Variants in PIK3C2G observed in about 807,000 individuals in gnomAD.
PIK3C2G encodes the protein phosphatidylinositol 3-kinase C2 domain-containing subunit gamma.
Under a neutral mutation model 181.1 loss-of-function variants are expected in PIK3C2G, and 168 were observed. The ratio of observed to expected loss-of-function variants is 0.93; its 90% CI spans 0.82 to 1.05. PIK3C2G has a LOEUF of 1.05. Ranked by LOEUF, PIK3C2G falls within the 50% of genes least tolerant of loss-of-function variation. The pLI is 0.00. For synonymous variants in PIK3C2G, 573 were observed against 592.2 expected (o/e 0.97, Z 0.47); for missense variants, 1,869 against 1,732.8 (o/e 1.08, Z -1.40).
intron 28 of PIK3C2G, among the ~76,000 whole-genome samples, chr12:18,566,044 TTTAAGTC>T (rs1418620951): frequency 6.6e-6 from 1 of 152,204 alleles, no homozygotes; most frequent in Non-Finnish European, 1.5e-5. Flanking sequence ...TTTAAAGACT[TTTAAGTC>T]TTAGGGTCTG....
chr12:18,348,294 A>C (rs2137675553), intron 11 of PIK3C2G, among the ~76,000 whole-genome samples: 1 of 152,048 alleles, frequency 6.6e-6, no homozygotes, highest in East Asian at 1.9e-4. Context: ...TGCAAATGTA[A>C]AATGCATATG....
chr12:18,499,940 G>A (rs1211026285), intron 22 of PIK3C2G, among the ~76,000 whole-genome samples: 1 of 152,054 alleles, frequency 6.6e-6, no homozygotes, highest in African/African-American at 2.4e-5. Flanking sequence ...ATATTAGTGC[G>A]TTTTCACACT....
At chr12:18,293,840 C>T (rs1002897734) in intron 4 of PIK3C2G, 61 bp from the exon 5 acceptor site, 5 of 782,698 alleles carry the variant, frequency 6.4e-6, no homozygotes, top group Non-Finnish European at 1.1e-5. Flanking sequence ...TGCTCAAAAA[C>T]TTTTCCTAGT....
the PIK3C2G span, among the ~76,000 whole-genome samples, chr12:18,668,437 CA>C: frequency 6.6e-6 from 1 of 152,086 alleles, no homozygotes. Flanking sequence ...AAATGGAACC[CA>C]ACCTACACAC....
rs1442664001 is a variant in PIK3C2G at position 18,391,079 on chromosome 12, T to C, written c.1996-43T>C. The C allele has an allele frequency of 2.7e-6, 4 of 1,494,808 alleles. No individual in the cohort carries two copies. In the East Asian group the frequency reaches 7.1e-5, roughly 26 times the overall value. 92.6% of individuals were successfully genotyped at this position (1,494,808 alleles called of 1,614,324 possible). A position where few individuals can be genotyped will look rare whatever the true frequency, so the allele number is the denominator to read the frequency against. On this transcript the variant is annotated intron_variant, in intron 14 of 32. Coordinates refer to ENST00000538779, the MANE Select transcript of PIK3C2G (RefSeq NM_001288772.2). ...GGAATATTAAATCAATAATGTATTT[T>C]GAGACACCTTCAACACATGGCAAAT... is the stretch of plus-strand genomic sequence containing the variant.
At chr12:18,460,559 G>C (rs1947862704) in intron 18 of PIK3C2G, among the ~76,000 whole-genome samples, 1 of 150,378 alleles carries the variant, frequency 6.6e-6, no homozygotes, top group Admixed American at 6.6e-5. Flanking sequence ...GGGTGACAGA[G>C]CAAGACTCCG....
the PIK3C2G span, among the ~76,000 whole-genome samples, chr12:18,697,664 C>CAT: frequency 2.6e-5 from 4 of 152,138 alleles, no homozygotes; most frequent in Non-Finnish European, 2.9e-5. Flanking sequence ...AACTCCTTCA[C>CAT]ATATATCTTC....
In PIK3C2G at chr12:18,600,373, A is replaced by T. The variant is rs192548392; in HGVS notation, c.4087+5804A>T. 5.5e-4 allele frequency among the ~76,000 whole-genome samples: 84 copies of T among 152,122 alleles called. 1 individual carries two copies. Among genetic ancestry groups the T allele is most frequent in the Admixed American group, 2.0e-3 (30 of 15,284 alleles). Reference sequence around the variant, plus strand: ...AAATTTCTAAAGACTAGCAATAGTGAAATACTACATCTCAGAAACCATGAA... The same window carrying T: ...AAATTTCTAAAGACTAGCAATAGTGTAATACTACATCTCAGAAACCATGAA... On this transcript the variant is annotated intron_variant, in intron 30 of 32. Transcript: ENST00000538779.
chr12:18,332,131 G>C (rs1396908523), intron 8 of PIK3C2G, among the ~76,000 whole-genome samples: 1 of 152,096 alleles, frequency 6.6e-6, no homozygotes, highest in Non-Finnish European at 1.5e-5. Context: ...TGGCATAAGA[G>C]TAATGCTGGC....
intron 27 of PIK3C2G, 54 bp downstream of exon 27, chr12:18,562,946 C>T (rs990844162): frequency 2.2e-5 from 25 of 1,129,780 alleles, no homozygotes; most frequent in Non-Finnish European, 3.3e-5. Context: ...TTATCTCAGA[C>T]TTCTCTTCAC....
chr12:18,264,644 A>T (rs1948401336), intron 1 of PIK3C2G, among the ~76,000 whole-genome samples: 1 of 151,864 alleles, frequency 6.6e-6, no homozygotes, highest in African/African-American at 2.4e-5. Context: ...GCATCTTTGA[A>T]TAGGAGTAAT....
chr12:18,542,030 G>A (rs909223411), intron 25 of PIK3C2G, among the ~76,000 whole-genome samples: 2 of 151,974 alleles, frequency 1.3e-5, no homozygotes, highest in Admixed American at 6.6e-5. Flanking sequence ...TGTGGGTTAT[G>A]TGTGTGGGTG....
At chr12:18,320,685 G>A (rs1004454735) in intron 6 of PIK3C2G, among the ~76,000 whole-genome samples, 1 of 152,212 alleles carries the variant, frequency 6.6e-6, no homozygotes, top group African/African-American at 2.4e-5. Flanking sequence ...TTCATACTTA[G>A]TAGAAGAATT....
intron 28 of PIK3C2G, among the ~76,000 whole-genome samples, chr12:18,564,128 CATT>C (rs1484772890): frequency 1.3e-5 from 2 of 151,742 alleles, no homozygotes; most frequent in Non-Finnish European, 2.9e-5. Flanking sequence ...TCTTGAAAAT[CATT>C]ATTTTCATTT....
At chr12:18,587,366 A>T (rs1352156307) in intron 29 of PIK3C2G, among the ~76,000 whole-genome samples, 1 of 152,136 alleles carries the variant, frequency 6.6e-6, no homozygotes, top group Non-Finnish European at 1.5e-5. Flanking sequence ...AAGTTTTGGG[A>T]TACAAATCAA....
intron 2 of PIK3C2G, 53 bp from the exon 3 acceptor site, chr12:18,286,794 T>A: frequency 1.1e-6 from 1 of 939,894 alleles, no homozygotes; most frequent in East Asian, 2.8e-5. Flanking sequence ...TGTAGAATTA[T>A]TTAATAGTTT....
At chr12:18,415,770 T>A (rs1274697193) in intron 16 of PIK3C2G, among the ~76,000 whole-genome samples, 1 of 152,174 alleles carries the variant, frequency 6.6e-6, no homozygotes, top group Non-Finnish European at 1.5e-5. Flanking sequence ...AGTGAAACAG[T>A]CTTATTGCTG....
chr12:18,257,949 T>C (rs991314892), upstream of PIK3C2G, among the ~76,000 whole-genome samples: 5 of 152,076 alleles, frequency 3.3e-5, no homozygotes, highest in African/African-American at 7.2e-5. Context: ...CAAATACAAC[T>C]TCTTGGTAGA....
In PIK3C2G at chr12:18,505,344, T is replaced by C. The variant is rs377020826; in HGVS notation, c.3206T>C (p.Ile1069Thr). 153 of 1,612,908 alleles carry C rather than the reference T, an allele frequency of 9.5e-5. No individual in the cohort carries two copies. The highest frequency in any genetic ancestry group is 1.2e-4 in the Non-Finnish European group (142 of 1,179,378). ...GCTGGCTGGTGTGTGGTAACATTCA[T>C]CCTGGGAGTATGTGACCGTCACAAT... ...SCAGWCVVTF[I>T]LGVCDRHNDN... Residue 1069 changes from isoleucine to threonine, a missense_variant, in exon 24 of 33, where the codon ATC becomes ACC. Ile to Thr is a moderately conservative substitution (Grantham distance 89). Transcript: ENST00000538779.
Sources: gnomAD v4.1 joint callset for allele counts (sites outside exome capture counted in the v4.1 genomes callset) on GRCh38, gnomAD v4.1.1 for gene constraint, MANE v1.5 for transcripts, NCBI Gene and HGNC (gene_info 2026-07-23, HGNC 2026-07-21) for gene names.